CDKL4: variants seen among roughly 807,000 people sequenced by gnomAD.
CDKL4 encodes the protein cyclin dependent kinase like 4, also known as cyclin-dependent kinase-like 4.
Under a neutral mutation model 42.0 loss-of-function variants are expected in CDKL4, and 44 were observed. The observed-to-expected ratio is 1.05, with a 90% CI of 0.82 to 1.35. CDKL4 has a LOEUF of 1.35. CDKL4 is among the 40% of genes most tolerant of loss of function. The pLI, the probability that CDKL4 is intolerant of heterozygous loss-of-function variation, is 0.00. For missense variants in CDKL4, 393 were observed against 369.9 expected, an observed-to-expected ratio of 1.06 and a Z score of -0.51; for synonymous variants, 120 against 121.6, an observed-to-expected ratio of 0.99 and a Z score of 0.09.
chr2:39,211,359 G>A (rs535863275), intron 4 of CDKL4, among the ~76,000 whole-genome samples: 25 of 152,282 alleles, frequency 1.6e-4, no homozygotes, highest in Middle Eastern at 3.4e-3. Flanking sequence ...CTGCACTCCA[G>A]CCTGGGCAGT....
Position 39,204,592 on chromosome 2 carries a change from T to TCAGGTTTTATATCTCTGTGAATA in CDKL4, c.366_388dup (p.Glu130ValfsTer6), listed in dbSNP as rs748442391. ...TCCTTGCTTAGTTATTAGAATATTT[T>TCAGGTTTTATATCTCTGTGAATA]CAGGTTTTATATCTCTGTGAATACA... On this transcript the variant is annotated stop_gained and frameshift_variant, in exon 5 of 10. Transcript: ENST00000451199. LOFTEE classifies it high-confidence loss of function. 1 of 1,591,804 alleles carries TCAGGTTTTATATCTCTGTGAATA rather than the reference T, an allele frequency of 6.3e-7. No individual in the cohort carries two copies. The highest frequency in any genetic ancestry group is 8.6e-7 in the Non-Finnish European group (1 of 1,160,562).
chr2:39,189,440 T>TTAA (rs1676042177), intron 6 of CDKL4, among the ~76,000 whole-genome samples: 1 of 152,248 alleles, frequency 6.6e-6, no homozygotes, highest in African/African-American at 2.4e-5. Context: ...TATAACTTCC[T>TTAA]TAACAGGTTT....
At chr2:39,217,214 G>A (rs1677982440) in intron 3 of CDKL4, among the ~76,000 whole-genome samples, 1 of 152,174 alleles carries the variant, frequency 6.6e-6, no homozygotes, top group African/African-American at 2.4e-5. Context: ...TTATATTTTG[G>A]GCCAGTGCAA....
intron 6 of CDKL4, among the ~76,000 whole-genome samples, chr2:39,189,177 G>A (rs1381492713): frequency 2.6e-5 from 4 of 152,212 alleles, no homozygotes; most frequent in Non-Finnish European, 5.9e-5. Context: ...ATGCTGCCAG[G>A]AGAGCCTGTG....
Position 39,187,562 on chromosome 2 carries a change from AACAACT to A in CDKL4, c.735+59_735+64del. 2.6e-6 allele frequency: 3 copies of A among 1,132,138 alleles called. No homozygotes were observed. The South Asian group carries it at 4.2e-5, about 16-fold the overall frequency. 70.1% of individuals were successfully genotyped at this position (1,132,138 alleles called of 1,614,324 possible). On this transcript the variant is annotated intron_variant, in intron 7 of 9. Coordinates refer to ENST00000451199, the Ensembl canonical transcript of CDKL4. ...ATCATCTCAAAATAAATAAATAAAT[AACAACT>A]ACCTCTTTAAAGAAAGCCGCAACAC...
At chr2:39,176,082 A>G (rs775696880) in exon 10 of CDKL4, 2 of 470,030 alleles carry the variant, frequency 4.3e-6, no homozygotes, top group South Asian at 3.1e-5. Context: ...CTGGTATGAG[A>G]GGCAACAGTT....
At chr2:39,244,886 A>C (rs976713583), upstream of CDKL4, among the ~76,000 whole-genome samples, 6 of 151,784 alleles carry the variant, frequency 4.0e-5, no homozygotes, top group Non-Finnish European at 7.4e-5. Flanking sequence ...ACCAGTCGAC[A>C]CTCTGTATCT....
At chr2:39,182,720 T>C (rs544908780) in intron 8 of CDKL4, among the ~76,000 whole-genome samples, 6 of 152,202 alleles carry the variant, frequency 3.9e-5, no homozygotes, top group African/African-American at 1.4e-4. Flanking sequence ...TTCTTCTTGA[T>C]GGACCAGCTG....
intron 6 of CDKL4, among the ~76,000 whole-genome samples, chr2:39,189,509 T>G (rs1676046085): frequency 6.6e-6 from 1 of 152,236 alleles, no homozygotes; most frequent in Non-Finnish European, 1.5e-5. Context: ...TTAAGTACTA[T>G]ACAAAGAAGA....
chr2:39,217,970 TG>T (rs1678038952), intron 3 of CDKL4, among the ~76,000 whole-genome samples: 1 of 152,016 alleles, frequency 6.6e-6, no homozygotes, highest in Admixed American at 6.5e-5. Context: ...TGACCTCAGG[TG>T]ATCTGCCTGC....
intron 6 of CDKL4, among the ~76,000 whole-genome samples, chr2:39,189,409 C>T (rs1676040510): frequency 6.6e-6 from 1 of 152,206 alleles, no homozygotes; most frequent in Non-Finnish European, 1.5e-5. Context: ...TCGTTTATAA[C>T]ATAGGCACAA....
At chr2:39,185,199 TACAC>T (rs1304493292) in intron 7 of CDKL4, among the ~76,000 whole-genome samples, 1 of 32,136 alleles carries the variant, frequency 3.1e-5, no homozygotes, top group Admixed American at 3.1e-4. Context: ...TACATATATA[TACAC>T]ATACGTATAT....
At chr2:39,188,024 T>C (rs890567299) in intron 6 of CDKL4, among the ~76,000 whole-genome samples, 17 of 151,612 alleles carry the variant, frequency 1.1e-4, no homozygotes, top group African/African-American at 4.1e-4. Context: ...GCTGAGATCA[T>C]GCCACTGCAC....
At chr2:39,178,857 G>C in intron 9 of CDKL4, 6 of 1,490,726 alleles carry the variant, frequency 4.0e-6, no homozygotes, top group South Asian at 2.8e-5. Context: ...GCAAAACTCA[G>C]TCCTGTTGGA....
chr2:39,238,101 C>G (rs894035550), intron 1 of CDKL4, among the ~76,000 whole-genome samples: 2 of 152,078 alleles, frequency 1.3e-5, no homozygotes. Context: ...GATTTGAAAA[C>G]CCAGCAAGAT....
chr2:39,184,854 C>A (rs959383018), intron 7 of CDKL4, among the ~76,000 whole-genome samples: 3 of 151,812 alleles, frequency 2.0e-5, no homozygotes, highest in African/African-American at 7.3e-5. Context: ...TCCACCTCAG[C>A]CTCCTAAGTA....
intron 1 of CDKL4, among the ~76,000 whole-genome samples, chr2:39,240,556 A>G (rs1450015940): frequency 2.6e-5 from 4 of 152,104 alleles, no homozygotes; most frequent in East Asian, 3.8e-4. Context: ...AGGTCCCTAT[A>G]TGGAAAACAA....
chr2:39,181,162 G>A (rs1202295211), intron 8 of CDKL4, among the ~76,000 whole-genome samples: 1 of 152,064 alleles, frequency 6.6e-6, no homozygotes, highest in Non-Finnish European at 1.5e-5. Flanking sequence ...AATAGTATTA[G>A]ACACTACTGA....
chr2:39,244,991 G>C (rs993210424), upstream of CDKL4, among the ~76,000 whole-genome samples: 1 of 152,038 alleles, frequency 6.6e-6, no homozygotes, highest in African/African-American at 2.4e-5. Flanking sequence ...TCTAGCTCAG[G>C]GATTGTAAAC....
Sources: allele counts gnomAD v4.1 joint callset (sites outside exome capture counted in the v4.1 genomes callset), GRCh38; gene constraint gnomAD v4.1.1; transcripts MANE v1.5; gene names NCBI Gene and HGNC (gene_info 2026-07-23, HGNC 2026-07-21).